Variants in NCOA6 observed in about 807,000 individuals in gnomAD.
NCOA6 encodes the protein NRC RAP250.
In NCOA6, 49 loss-of-function variants were observed where a neutral mutation model predicts 171.4. The ratio of observed to expected loss-of-function variants is 0.29; its 90% CI spans 0.23 to 0.36. The LOEUF is 0.36. NCOA6 is among the 10% of genes least tolerant of loss of function. The pLI is 1.00. For missense variants in NCOA6, 2,248 were observed against 2,554.5 expected (o/e 0.88, Z 2.59); for synonymous variants, 910 against 927.5 (o/e 0.98, Z 0.34).
chr20:34,755,382 C>G (rs1420493778), intron 7 of NCOA6, among the ~76,000 whole-genome samples: 1 of 152,134 alleles, frequency 6.6e-6, no homozygotes, highest in African/African-American at 2.4e-5. Context: ...AATTTCCCCC[C>G]ATTATTGCGC....
chr20:34,726,756 G>A (rs893437792), intron 14 of NCOA6, among the ~76,000 whole-genome samples: 1 of 151,284 alleles, frequency 6.6e-6, no homozygotes, highest in African/African-American at 2.4e-5. Context: ...CTGCACTCCA[G>A]CCTGGGCAAC....
At chr20:34,751,341 C>T (rs1361269752) in intron 8 of NCOA6, among the ~76,000 whole-genome samples, 2 of 118,746 alleles carry the variant, frequency 1.7e-5, no homozygotes, top group Non-Finnish European at 3.4e-5. Flanking sequence ...CTGCAGTCCG[C>T]AGTCCAGCCT....
intron 1 of NCOA6, among the ~76,000 whole-genome samples, chr20:34,797,296 T>C (rs1401201170): frequency 6.6e-6 from 1 of 152,028 alleles, no homozygotes; most frequent in African/African-American, 2.4e-5. Flanking sequence ...TCAGCCACAG[T>C]AGGAGAGGGC....
intron 13 of NCOA6, among the ~76,000 whole-genome samples, chr20:34,730,258 T>G (rs1234297375): frequency 6.6e-6 from 1 of 151,676 alleles, no homozygotes; most frequent in Non-Finnish European, 1.5e-5. Context: ...TTTTTATTTT[T>G]TATTTTTTTT....
intron 11 of NCOA6, chr20:34,738,996 C>T: frequency 2.2e-6 from 1 of 454,172 alleles, no homozygotes; most frequent in Admixed American, 2.4e-5. Flanking sequence ...TTTCCCAGCT[C>T]TAGCAGTGTG....
Position 34,741,918 on chromosome 20 carries a change from G to C in NCOA6, c.4338C>G (p.Ala1446=). 1 of 1,614,066 alleles carries C rather than the reference G, an allele frequency of 6.2e-7. No homozygotes were observed. The highest frequency in any genetic ancestry group is 1.1e-5 in the South Asian group (1 of 91,070). The change falls in exon 11 of 15, where the codon GCC becomes GCG. Residue 1446 remains alanine, a synonymous_variant. Coordinates refer to ENST00000359003, the MANE Select transcript of NCOA6 (RefSeq NM_014071.5). ...CAGGGACAACCATTTTAACTTCTTG[G>C]GCAGGGACTGCTTTTAGTTCAATGT... The part of the protein sequence containing the change: ...QVNIELKAVP[A]QEVKMVVPED...
In NCOA6 at chr20:34,715,512, C is replaced by T. The variant is rs1988435833; in HGVS notation, c.6149-147G>A. On this transcript the variant is annotated intron_variant, in intron 14 of 14. Transcript: ENST00000359003. Reference sequence around the variant, plus strand: ...GGGGTGCTCTGAATGGAGAGAGTCACAGGCTTTGCTTGATGACTTACGTGG... The same window carrying T: ...GGGGTGCTCTGAATGGAGAGAGTCATAGGCTTTGCTTGATGACTTACGTGG... The T allele has an allele frequency of 9.4e-6, 6 of 639,132 alleles. No homozygotes were observed. The East Asian group carries it at 1.6e-4, about 17-fold the overall frequency. The allele number at this position is 639,132 out of a possible 1,614,324, so 39.6% of individuals were successfully genotyped here.
At chr20:34,752,433 T>C (rs2076516858) in intron 8 of NCOA6, among the ~76,000 whole-genome samples, 1 of 152,200 alleles carries the variant, frequency 6.6e-6, no homozygotes, top group Non-Finnish European at 1.5e-5. Context: ...ACTTTGGTGC[T>C]GAGGTAACAT....
chr20:34,783,118 C>A (rs1268481379), intron 2 of NCOA6, among the ~76,000 whole-genome samples: 11 of 151,988 alleles, frequency 7.2e-5, no homozygotes, highest in Admixed American at 7.2e-4. Flanking sequence ...CCTGCCACTA[C>A]TAAAACACAA....
At chr20:34,756,949 A>C (rs1357077424) in intron 7 of NCOA6, among the ~76,000 whole-genome samples, 2 of 152,246 alleles carry the variant, frequency 1.3e-5, no homozygotes, top group Non-Finnish European at 2.9e-5. Context: ...CTAGTACAAG[A>C]TCAAGCAAAA....
Position 34,742,079 on chromosome 20 carries a change from T to G in NCOA6, c.4177A>C (p.Asn1393His), listed in dbSNP as rs781066214. 6 of 1,614,040 alleles carry G rather than the reference T, an allele frequency of 3.7e-6. No homozygotes were observed. The East Asian group carries it at 1.3e-4, about 36-fold the overall frequency. ...NPPVPGSFPN[N>H]SGLNPQNSTV... ...GAATTCTGAGGATTCAGCCCACTGT[T>G]GTTAGGAAAGCTCCCAGGTACAGGG... is the stretch of plus-strand genomic sequence containing the variant. Residue 1393 changes from asparagine (N) to histidine (H), a missense_variant, in exon 11 of 15, where the codon AAC becomes CAC. Asn to His is a moderately conservative substitution (Grantham distance 68). Transcript: ENST00000359003.
chr20:34,810,491 T>C (rs779461820), intron 1 of NCOA6, among the ~76,000 whole-genome samples: 1 of 152,090 alleles, frequency 6.6e-6, no homozygotes, highest in Non-Finnish European at 1.5e-5. Context: ...ATTGAAGCTA[T>C]TGTACCATCC....
chr20:34,782,726 T>C (rs1294083923), intron 2 of NCOA6, among the ~76,000 whole-genome samples: 1 of 152,186 alleles, frequency 6.6e-6, no homozygotes, highest in Non-Finnish European at 1.5e-5. Flanking sequence ...TTGAGAATTA[T>C]AGGCCTTTGG....
At position 34,742,286 on chromosome 20, in the gene NCOA6, C is replaced by T; in HGVS notation, c.3970G>A (p.Ala1324Thr). The T allele has an allele frequency of 1.2e-6, 2 of 1,614,172 alleles. No homozygotes were observed. Among genetic ancestry groups the T allele is most frequent in the East Asian group, 2.2e-5 (1 of 44,888 alleles). The stretch of plus-strand genomic sequence containing the variant: ...GACCTGCGACTGTTGCTTGGACTTG[C>T]CCGTTTTGTTGCTCCAGAATTAGAC... ...KQSNSGATKR[A>T]SPSNSRRSSP... is the part of the protein sequence containing the mutation. Residue 1324 changes from alanine to threonine, a missense_variant, in exon 11 of 15, where the codon GCA becomes ACA. This residue lies in a region of NCOA6 where 884 missense variants were observed against 941.9 expected (regional missense o/e 0.94). Transcript: ENST00000359003.
chr20:34,744,077 A>G (rs1288996799), intron 10 of NCOA6, among the ~76,000 whole-genome samples: 1 of 152,258 alleles, frequency 6.6e-6, no homozygotes, highest in African/African-American at 2.4e-5. Flanking sequence ...CATTGAAAAT[A>G]AAATTAGGGC....
chr20:34,729,963 A>G (rs1323478563), intron 13 of NCOA6, among the ~76,000 whole-genome samples: 2 of 152,196 alleles, frequency 1.3e-5, no homozygotes, highest in African/African-American at 2.4e-5. Flanking sequence ...ATTACAAGTC[A>G]GGGGGATTTA....
At chr20:34,761,083 G>A (rs544365010) in intron 5 of NCOA6, among the ~76,000 whole-genome samples, 8 of 152,172 alleles carry the variant, frequency 5.3e-5, no homozygotes, top group South Asian at 2.1e-4. Flanking sequence ...TTAGCTGGGC[G>A]TGGTGGTGGG....
At chr20:34,812,530 T>C (rs2146642766) in intron 1 of NCOA6, among the ~76,000 whole-genome samples, 1 of 152,142 alleles carries the variant, frequency 6.6e-6, no homozygotes, top group East Asian at 1.9e-4. Context: ...GATAAATTAG[T>C]AAAACATGAA....
intron 13 of NCOA6, among the ~76,000 whole-genome samples, chr20:34,730,497 A>G (rs1990483493): frequency 6.6e-6 from 1 of 152,080 alleles, no homozygotes; most frequent in Admixed American, 6.6e-5. Context: ...AAACACCCCA[A>G]ATGTATTTTT....
Sources: allele counts gnomAD v4.1 joint callset (sites outside exome capture counted in the v4.1 genomes callset), GRCh38; gene constraint gnomAD v4.1.1; regional missense constraint gnomAD v4.1.1; transcripts MANE v1.5; gene names NCBI Gene and HGNC (gene_info 2026-07-23, HGNC 2026-07-21).